FRMD6: variants seen among roughly 807,000 people sequenced by gnomAD.
The protein encoded by FRMD6 is FERM domain containing 6.
FRMD6 carries 37 observed loss-of-function variants against 73.2 expected under a neutral mutation model. The observed-to-expected ratio is 0.51, with a 90% confidence interval of 0.39 to 0.66. The LOEUF is 0.66. Ranked by LOEUF, FRMD6 falls within the 30% of genes least tolerant of loss-of-function variation. The pLI is 0.00. For missense variants in FRMD6, 714 were observed against 780.5 expected, an observed-to-expected ratio of 0.91 and a Z score of 1.02; for synonymous variants, 273 against 282.2, an observed-to-expected ratio of 0.97 and a Z score of 0.33.
the FRMD6 span, among the ~76,000 whole-genome samples, chr14:51,417,192 A>C: frequency 6.6e-6 from 1 of 152,170 alleles, no homozygotes; most frequent in Non-Finnish European, 1.5e-5. Context: ...TGATCCTGTC[A>C]TTATGATGTT....
chr14:51,569,122 A>G (rs1323388727), intron 1 of FRMD6, among the ~76,000 whole-genome samples: 3 of 152,174 alleles, frequency 2.0e-5, no homozygotes, highest in Non-Finnish European at 2.9e-5. Flanking sequence ...CTGGGATTAC[A>G]GGCGTGAGCC....
chr14:51,486,072 T>C (rs1882755274), upstream of FRMD6, among the ~76,000 whole-genome samples: 2 of 151,562 alleles, frequency 1.3e-5, no homozygotes, highest in South Asian at 4.2e-4. Context: ...TCTCGCACTG[T>C]CACCCAGGCT....
chr14:51,662,878 G>A (rs375125508), intron 1 of FRMD6, among the ~76,000 whole-genome samples: 8 of 152,084 alleles, frequency 5.3e-5, no homozygotes, highest in African/African-American at 1.9e-4. Flanking sequence ...TATTTGCAAA[G>A]TATGTACTGA....
intron 1 of FRMD6, among the ~76,000 whole-genome samples, chr14:51,545,986 G>A (rs1465213317): frequency 2.6e-5 from 4 of 151,936 alleles, no homozygotes; most frequent in African/African-American, 9.7e-5. Flanking sequence ...AAATGAAAAT[G>A]GGATTATATC....
intron 11 of FRMD6, among the ~76,000 whole-genome samples, chr14:51,721,727 GA>G (rs1235436407): frequency 1.5e-5 from 2 of 132,968 alleles, no homozygotes; most frequent in Non-Finnish European, 3.2e-5. Context: ...AGGGAGGGAG[GA>G]AGGGAGGGAG....
chr14:51,588,568 G>A (rs1158975769), intron 2 of FRMD6, among the ~76,000 whole-genome samples: 1 of 152,018 alleles, frequency 6.6e-6, no homozygotes, highest in Non-Finnish European at 1.5e-5. Flanking sequence ...CCCAAACAGG[G>A]GACATGGTTC....
rs1596535906 is a variant in FRMD6 at position 51,523,426 on chromosome 14, T to C, written c.-210+34006T>C. Among the ~76,000 whole-genome samples the C allele has an allele frequency of 2.0e-5, 3 of 152,180 alleles. No homozygotes were observed. The South Asian group carries it at 6.2e-4, about 32-fold the overall frequency. On this transcript the variant is annotated intron_variant, in intron 1 of 14. Coordinates refer to the FRMD6 transcript ENST00000356218. ...CCTCTGTGGTCCTGGAAGGCACATA[T>C]GCAGAACTGGGGCAACGCTGAATAG...
intron 1 of FRMD6, among the ~76,000 whole-genome samples, chr14:51,658,998 C>T (rs1347146951): frequency 6.6e-6 from 1 of 152,096 alleles, no homozygotes; most frequent in Non-Finnish European, 1.5e-5. Flanking sequence ...AATATGCTGA[C>T]CATAGGGCCA....
At chr14:51,422,194 G>A in the FRMD6 span, among the ~76,000 whole-genome samples, 1 of 152,156 alleles carries the variant, frequency 6.6e-6, no homozygotes, top group Non-Finnish European at 1.5e-5. Context: ...AATTCAGGGT[G>A]TATTGACATA....
At chr14:51,549,847 G>C (rs953248801) in intron 1 of FRMD6, among the ~76,000 whole-genome samples, 1 of 151,874 alleles carries the variant, frequency 6.6e-6, no homozygotes, top group Non-Finnish European at 1.5e-5. Context: ...CGCCCGCCTC[G>C]GCCTCCCAAA....
At chr14:51,585,554 G>T (rs1211223841) in intron 2 of FRMD6, among the ~76,000 whole-genome samples, 2 of 152,062 alleles carry the variant, frequency 1.3e-5, no homozygotes, top group Non-Finnish European at 2.9e-5. Context: ...TTCAAATCCA[G>T]GTTTCACATT....
chr14:51,708,307 A>G, intron 7 of FRMD6, 74 bp downstream of exon 7: 2 of 1,340,636 alleles, frequency 1.5e-6, no homozygotes, highest in Non-Finnish European at 2.1e-6. Flanking sequence ...AGGAAAACCG[A>G]AGGATTTCAT....
At chr14:51,572,735 G>A (rs1369489433) in intron 2 of FRMD6, among the ~76,000 whole-genome samples, 4 of 152,302 alleles carry the variant, frequency 2.6e-5, no homozygotes, top group South Asian at 2.1e-4. Flanking sequence ...AAAAACGAAT[G>A]CCTAAGATGG....
chr14:51,605,871 G>A lies in FRMD6; in HGVS notation c.-147+35461G>A, dbSNP rs116294222. 1.1e-3 allele frequency among the ~76,000 whole-genome samples: 164 copies of A among 152,258 alleles called. 2 individuals carry two copies. The highest frequency in any genetic ancestry group is 3.9e-3 in the African/African-American group (161 of 41,550). ...TCATATCAGGAAGAGCTGTACCCCC[G>A]AGTCTCAGAACTTGTGTCCTTCCTA... On this transcript the variant is annotated intron_variant, in intron 2 of 14. Coordinates refer to the FRMD6 transcript ENST00000356218.
intron 1 of FRMD6, among the ~76,000 whole-genome samples, chr14:51,504,900 T>A (rs559240760): frequency 1.3e-5 from 2 of 152,346 alleles, no homozygotes; most frequent in African/African-American, 4.8e-5. Context: ...TCAGTTGAGC[T>A]CTTCCCATCA....
intron 1 of FRMD6, among the ~76,000 whole-genome samples, chr14:51,525,174 GGA>G (rs1885179334): frequency 2.0e-5 from 3 of 151,462 alleles, no homozygotes; most frequent in Admixed American, 1.3e-4. Context: ...ATGGATGGAT[GGA>G]TGGATGGATG....
chr14:51,597,980 C>A lies in FRMD6; in HGVS notation c.-147+27570C>A, dbSNP rs575175952. Among the ~76,000 whole-genome samples the A allele has an allele frequency of 5.9e-5, 9 of 152,266 alleles. 1 individual carries two copies. The South Asian group carries it at 1.9e-3, about 32-fold the overall frequency. ...TGCAGACGGCTGCCCCCCAACCATC[C>A]ATTTTTGCTGTTAATATGAATATGG... On this transcript the variant is annotated intron_variant, in intron 2 of 14. Transcript: ENST00000356218.
chr14:51,458,625 A>G, the FRMD6 span, among the ~76,000 whole-genome samples: 22 of 152,258 alleles, frequency 1.4e-4, no homozygotes, highest in Non-Finnish European at 2.2e-4. Context: ...AAACTAGAAG[A>G]TAAGCAAAGT....
At chr14:51,551,943 G>A (rs1167877569) in intron 1 of FRMD6, among the ~76,000 whole-genome samples, 3 of 152,020 alleles carry the variant, frequency 2.0e-5, no homozygotes, top group African/African-American at 7.3e-5. Flanking sequence ...AATGTTCTTA[G>A]AGTTTTATGG....
Sources: allele counts gnomAD v4.1 joint callset (sites outside exome capture counted in the v4.1 genomes callset), GRCh38; gene constraint gnomAD v4.1.1; transcripts MANE v1.5; gene names NCBI Gene and HGNC (gene_info 2026-07-23, HGNC 2026-07-21).